The following EIF2AK4 variants were observed in gnomAD, a reference collection of about 807,000 sequenced individuals.
The protein encoded by EIF2AK4 is eukaryotic translation initiation factor 2 alpha kinase 4.
A neutral mutation model predicts 211.1 loss-of-function variants in EIF2AK4; 139 were observed. That is an observed-to-expected ratio of 0.66 (90% confidence interval 0.57 to 0.76). EIF2AK4 has a LOEUF of 0.76. EIF2AK4 is among the 30% of genes least tolerant of loss of function. The pLI is 0.00. For synonymous variants in EIF2AK4, 710 were observed against 751.3 expected, an observed-to-expected ratio of 0.94 and a Z score of 0.90; for missense variants, 1,664 against 2,043.8, an observed-to-expected ratio of 0.81 and a Z score of 3.58.
At chr15:39,954,057 T>A in intron 5 of EIF2AK4, 73 bp downstream of exon 5, 1 of 1,206,332 alleles carries the variant, frequency 8.3e-7, no homozygotes, top group Non-Finnish European at 1.1e-6. Context: ...TGATGACATC[T>A]GTGTTACTAT....
At chr15:40,019,546 C>T (rs1368416784) in intron 30 of EIF2AK4, among the ~76,000 whole-genome samples, 1 of 152,136 alleles carries the variant, frequency 6.6e-6, no homozygotes, top group African/African-American at 2.4e-5. Context: ...CCTGTCAGAT[C>T]AGCGGTGGCA....
chr15:39,954,296 A>AGGCT (rs1225790761), intron 5 of EIF2AK4, among the ~76,000 whole-genome samples: 1 of 152,218 alleles, frequency 6.6e-6, no homozygotes, highest in Non-Finnish European at 1.5e-5. Flanking sequence ...TCTGTCGCCC[A>AGGCT]GGCTGGAGTG....
intron 33 of EIF2AK4, among the ~76,000 whole-genome samples, chr15:40,028,901 C>G (rs1239589762): frequency 1.3e-5 from 2 of 152,134 alleles, no homozygotes; most frequent in African/African-American, 4.8e-5. Flanking sequence ...CCTGTTTTCC[C>G]AAGATAGAGT....
intron 9 of EIF2AK4, among the ~76,000 whole-genome samples, chr15:39,968,440 G>A (rs770466002): frequency 6.6e-6 from 1 of 152,196 alleles, no homozygotes; most frequent in South Asian, 2.1e-4. Context: ...TTCTTGAGAT[G>A]TTTCCTCAGG....
chr15:39,979,217 G>A (rs547933715), intron 13 of EIF2AK4, among the ~76,000 whole-genome samples: 9 of 152,182 alleles, frequency 5.9e-5, no homozygotes, highest in African/African-American at 1.9e-4. Context: ...TGTACTAGAC[G>A]TTATAAAATC....
At chr15:39,943,914 C>G (rs1311756122) in intron 3 of EIF2AK4, among the ~76,000 whole-genome samples, 2 of 151,888 alleles carry the variant, frequency 1.3e-5, no homozygotes, top group Non-Finnish European at 1.5e-5. Context: ...ATGATCACAC[C>G]CCTTCACTCC....
At chr15:40,003,987 A>G (rs1413435586) in intron 23 of EIF2AK4, among the ~76,000 whole-genome samples, 3 of 152,240 alleles carry the variant, frequency 2.0e-5, no homozygotes, top group East Asian at 3.8e-4. Flanking sequence ...TCAGAAGAGA[A>G]TATGTGCATG....
chr15:40,017,501 C>CTTTATA lies in EIF2AK4; in HGVS notation c.4065+260_4065+261insTTATAT, dbSNP rs1363648720. 4.4e-3 allele frequency among the ~76,000 whole-genome samples: 116 copies of CTTTATA among 26,088 alleles called. 21 individuals are homozygous for CTTTATA. Among genetic ancestry groups the CTTTATA allele is most frequent in the African/African-American group, 8.4e-3 (53 of 6,336 alleles). The allele number at this position is 26,088 out of a possible 152,430, so 17.1% of individuals were successfully genotyped here. Reference sequence around the variant, plus strand: ...GGCTCATGTACCCTTTACTCTGTTTCTATATATATATATATATATATATAT... The same window carrying CTTTATA: ...GGCTCATGTACCCTTTACTCTGTTTCTTTATATATATATATATATATATATATATAT... On this transcript the variant is annotated intron_variant, in intron 29 of 38. Transcript: ENST00000263791.
Position 40,034,326 on chromosome 15 carries a change from T to C in EIF2AK4, c.4774T>C (p.Trp1592Arg). Residue 1592 changes from tryptophan (W) to arginine (R), a missense_variant and splice_region_variant, in exon 38 of 39, where the codon TGG becomes CGG. Trp to Arg is a moderately radical substitution (Grantham distance 101). Transcript: ENST00000263791. ...ETILQFLSLEWDADEQAFNTT... is the reference protein window; with the variant it reads ...ETILQFLSLERDADEQAFNTT... ...TAAGTCTTATCTATTTTTTTCCTAG[T>C]GGGATGCTGATGAACAGGCATTTAA... 1 of 1,613,364 alleles carries C rather than the reference T, an allele frequency of 6.2e-7. No individual in the cohort carries two copies. The highest frequency in any genetic ancestry group is 8.5e-7 in the Non-Finnish European group (1 of 1,179,586).
rs144071847 is a variant in EIF2AK4 at position 39,944,254 on chromosome 15, G to A, written c.360+769G>A. ...TCTGAACATTAGGATCTACATATGA[G>A]TTCTCTCCTGGGTGGCACAACTCTC... is the stretch of plus-strand genomic sequence containing the variant. On this transcript the variant is annotated intron_variant, in intron 3 of 38. Transcript: ENST00000263791. Among the ~76,000 whole-genome samples the A allele has an allele frequency of 1.1e-3, 169 of 152,096 alleles. 1 individual carries two copies. The highest frequency in any genetic ancestry group is 3.8e-3 in the African/African-American group (158 of 41,482).
At chr15:40,020,824 C>G in intron 30 of EIF2AK4, 75 bp from the exon 31 acceptor site, 1 of 1,383,638 alleles carries the variant, frequency 7.2e-7, no homozygotes, top group South Asian at 1.6e-5. Context: ...GTGCTGCCTC[C>G]CCTCCTGATG....
At chr15:39,935,533 G>A (rs2034052657) in intron 1 of EIF2AK4, among the ~76,000 whole-genome samples, 1 of 152,048 alleles carries the variant, frequency 6.6e-6, no homozygotes, top group African/African-American at 2.4e-5. Flanking sequence ...GTCTTGCTCT[G>A]TTGCCCGGGC....
intron 20 of EIF2AK4, among the ~76,000 whole-genome samples, chr15:40,000,531 T>C (rs978103179): frequency 6.6e-6 from 1 of 152,206 alleles, no homozygotes; most frequent in African/African-American, 2.4e-5. Context: ...ATGGTATCAA[T>C]GCAAATAACA....
intron 11 of EIF2AK4, among the ~76,000 whole-genome samples, chr15:39,975,689 G>A (rs2034684391): frequency 1.3e-5 from 2 of 152,162 alleles, no homozygotes; most frequent in African/African-American, 4.8e-5. Flanking sequence ...ATTTTACTGT[G>A]TTGTTAATTG....
intron 32 of EIF2AK4, among the ~76,000 whole-genome samples, chr15:40,024,763 C>G (rs1203684773): frequency 6.8e-6 from 1 of 147,536 alleles, no homozygotes; most frequent in African/African-American, 2.5e-5. Context: ...GACAGGGTCT[C>G]ACTCACCTAT....
chr15:40,001,832 C>G (rs2035096971), intron 21 of EIF2AK4, among the ~76,000 whole-genome samples: 1 of 152,020 alleles, frequency 6.6e-6, no homozygotes, highest in African/African-American at 2.4e-5. Flanking sequence ...GGCTCAGAAT[C>G]TCCAGGTGTG....
At chr15:39,973,852 G>C in intron 11 of EIF2AK4, 103 bp downstream of exon 11, 1 of 1,343,058 alleles carries the variant, frequency 7.4e-7, no homozygotes, top group Non-Finnish European at 1.0e-6. Context: ...GGGGAGGGAA[G>C]TGAATATGGC....
intron 1 of EIF2AK4, among the ~76,000 whole-genome samples, chr15:39,937,872 C>T (rs2034089515): frequency 6.6e-6 from 1 of 152,212 alleles, no homozygotes; most frequent in Non-Finnish European, 1.5e-5. Context: ...CCTACAAGCC[C>T]AGTGCCTGGT....
Position 40,029,441 on chromosome 15 carries a change from AG to A in EIF2AK4, c.4542del (p.Ser1515HisfsTer20). The A allele has an allele frequency of 6.2e-7, 1 of 1,613,214 alleles. No individual in the cohort carries two copies. Among genetic ancestry groups the A allele is most frequent in the East Asian group, 2.2e-5 (1 of 44,794 alleles). Reference sequence around the variant, plus strand: ...GATAATCTTGCAGTGCAAAATCTGAAGGGGTCATTTTCTAATGCTTCAGGTA... The same window carrying A: ...GATAATCTTGCAGTGCAAAATCTGAAGGGTCATTTTCTAATGCTTCAGGTA... ...ASDNLAVQNL[K>X]GSFSNASGLF... On this transcript the variant is annotated frameshift_variant, in exon 34 of 39. Transcript: ENST00000263791. LOFTEE classifies it high-confidence loss of function.
Sources: gnomAD v4.1 joint callset for allele counts (sites outside exome capture counted in the v4.1 genomes callset) on GRCh38, gnomAD v4.1.1 for gene constraint, MANE v1.5 for transcripts, NCBI Gene and HGNC (gene_info 2026-07-23, HGNC 2026-07-21) for gene names.